ANKRD16: variants seen among roughly 807,000 people sequenced by gnomAD.
The protein encoded by ANKRD16 is ankyrin repeat domain-containing protein 16.
ANKRD16 carries 35 observed loss-of-function variants against 37.9 expected under a neutral mutation model. The ratio of observed to expected loss-of-function variants is 0.92; its 90% CI spans 0.71 to 1.23. The LOEUF (loss-of-function observed/expected upper bound fraction) is 1.23, where lower values mean the gene tolerates loss of function less well. ANKRD16 is among the 50% of genes most tolerant of loss of function. ANKRD16 has a pLI of 0.00. For synonymous variants in ANKRD16, 206 were observed against 197.2 expected, an observed-to-expected ratio of 1.04 and a Z score of -0.37; for missense variants, 480 against 469.9, an observed-to-expected ratio of 1.02 and a Z score of -0.20.
chr10:5,867,890 C>T (rs921252538), intron 7 of ANKRD16, among the ~76,000 whole-genome samples: 2 of 152,202 alleles, frequency 1.3e-5, no homozygotes, highest in African/African-American at 4.8e-5. Context: ...CCAAAACTGC[C>T]GAGGCTTGGA....
At chr10:5,877,037 A>T (rs898947233) in intron 7 of ANKRD16, among the ~76,000 whole-genome samples, 5 of 152,206 alleles carry the variant, frequency 3.3e-5, no homozygotes, top group African/African-American at 1.2e-4. Flanking sequence ...GGCCAGAAAA[A>T]TGGGTTTTAA....
In ANKRD16 at chr10:5,889,442, T is replaced by A. The variant is rs1282816427; in HGVS notation, c.-88A>T. The A allele has an allele frequency of 2.0e-6, 2 of 983,012 alleles. No homozygotes were observed. Among genetic ancestry groups the A allele is most frequent in the Admixed American group, 9.8e-5 (2 of 20,486 alleles). The allele number at this position is 983,012 out of a possible 1,614,324, so 60.9% of individuals were successfully genotyped here. The stretch of plus-strand genomic sequence containing the variant: ...GAGAAGCCGAGGGCGAGTGGGACTT[T>A]CCGCCTCTTCACGCAACCTGCCCCG... On this transcript the variant is annotated 5_prime_UTR_variant, in exon 1 of 8. Coordinates refer to ENST00000380094, the MANE Select transcript of ANKRD16 (RefSeq NM_019046.3).
Position 5,862,445 on chromosome 10 carries a change from C to A in ANKRD16, c.*280G>T. ...TTTCACTATCATCCTCAGACTCTTC[C>A]AGTCAATGGTTGGTGATGTCATCAG... is the stretch of plus-strand genomic sequence containing the variant. On this transcript the variant is annotated 3_prime_UTR_variant, in exon 8 of 8. Transcript: ENST00000380094. This position sits in a 1 kb window ranked among gnomAD's most constrained non-coding sequence, Gnocchi z 6.5. 2.3e-6 allele frequency: 1 copy of A among 440,856 alleles called. No homozygotes were observed. Among genetic ancestry groups the A allele is most frequent in the Non-Finnish European group, 4.3e-6 (1 of 235,290 alleles). 27.3% of individuals were successfully genotyped at this position (440,856 alleles called of 1,614,324 possible). A position where few individuals can be genotyped will look rare whatever the true frequency, so the allele number is the denominator to read the frequency against.
In ANKRD16 at chr10:5,868,003, A is replaced by C. The variant is rs1170602933; in HGVS notation, c.*34-5312T>G. Among the ~76,000 whole-genome samples, 2 of 152,202 alleles carry C rather than the reference A, an allele frequency of 1.3e-5. No homozygotes were observed. Among genetic ancestry groups the C allele is most frequent in the African/African-American group, 2.4e-5 (1 of 41,454 alleles). On this transcript the variant is annotated intron_variant, in intron 7 of 7. Coordinates refer to ENST00000380094, the MANE Select transcript of ANKRD16 (RefSeq NM_019046.3). The surrounding 1 kb of genome is among the most constrained non-coding windows in gnomAD (Gnocchi z 4.9). ...TAGTACGAGATGCCGCCTGGCGTTT[A>C]CAGGAAAAGGCTTCTGAAATCAGAC... is the stretch of plus-strand genomic sequence containing the variant.
Position 5,878,127 on chromosome 10 carries a change from T to A in ANKRD16, c.*3A>T, listed in dbSNP as rs774351846. ...ACTTTATTGCCTCCTCTTGGAAACA[T>A]CCTTATGTCATTGCGCTATGGCCAG... On this transcript the variant is annotated 3_prime_UTR_variant, in exon 7 of 8. Transcript: ENST00000380094. This position sits in a 1 kb window ranked among gnomAD's most constrained non-coding sequence, Gnocchi z 5.1. 1 of 1,613,448 alleles carries A rather than the reference T, an allele frequency of 6.2e-7. No individual in the cohort carries two copies.
rs1015785267 is a variant in ANKRD16, at chr10:5,868,330, C to A, written c.*34-5639G>T. Reference sequence around the variant, plus strand: ...CAACTGCAGGGACCCTTCTTTGCCCCTATCCAGCAGGAAGTAGCTAGAATG... The same window carrying A: ...CAACTGCAGGGACCCTTCTTTGCCCATATCCAGCAGGAAGTAGCTAGAATG... On this transcript the variant is annotated intron_variant, in intron 7 of 7. Coordinates refer to ENST00000380094, the MANE Select transcript of ANKRD16 (RefSeq NM_019046.3). The surrounding 1 kb of genome is among the most constrained non-coding windows in gnomAD (Gnocchi z 4.9). Among the ~76,000 whole-genome samples, 1 of 152,154 alleles carries A rather than the reference C, an allele frequency of 6.6e-6. No individual in the cohort carries two copies. The highest frequency in any genetic ancestry group is 1.5e-5 in the Non-Finnish European group (1 of 68,020).
In ANKRD16 at chr10:5,862,365, G is replaced by GGGCAGA; in HGVS notation, c.*354_*359dup. 1 of 446,240 alleles carries GGGCAGA rather than the reference G, an allele frequency of 2.2e-6. No homozygotes were observed. The highest frequency in any genetic ancestry group is 6.3e-5 in the East Asian group (1 of 15,778). 27.6% of individuals were successfully genotyped at this position (446,240 alleles called of 1,614,324 possible). A position where few individuals can be genotyped will look rare whatever the true frequency, so the allele number is the denominator to read the frequency against. On this transcript the variant is annotated 3_prime_UTR_variant, in exon 8 of 8. Transcript: ENST00000380094. This position sits in a 1 kb window ranked among gnomAD's most constrained non-coding sequence, Gnocchi z 6.5. ...TGGTTCCTGAGGGTTGTGACGATCA[G>GGGCAGA]GGCAGAGGCAGAAGGCACCACCTCA...
At position 5,878,643 on chromosome 10, in the gene ANKRD16, A is replaced by T. The variant is rs561250819; in HGVS notation, c.929-356T>A. Among the ~76,000 whole-genome samples the T allele has an allele frequency of 1.5e-3, 222 of 151,732 alleles. 2 individuals are homozygous for T. The highest frequency in any genetic ancestry group is 5.1e-3 in the African/African-American group (212 of 41,334). ...TGAAACCCCATCTCTAATAAAAATT[A>T]AAAAATTAGCCGGGCGTGGTGGTGC... On this transcript the variant is annotated intron_variant, in intron 6 of 7. Coordinates refer to ENST00000380094, the MANE Select transcript of ANKRD16 (RefSeq NM_019046.3). This position sits in a 1 kb window ranked among gnomAD's most constrained non-coding sequence, Gnocchi z 5.1.
intron 1 of ANKRD16, 86 bp from the exon 2 acceptor site, chr10:5,888,153 T>C (rs1842478009): frequency 8.1e-7 from 1 of 1,231,166 alleles, no homozygotes; most frequent in African/African-American, 1.5e-5. Flanking sequence ...CACACATCCT[T>C]GGCACAGATG....
In ANKRD16 at chr10:5,874,155, C is replaced by T. The variant is rs1219057306; in HGVS notation, c.*33+3942G>A. On this transcript the variant is annotated intron_variant, in intron 7 of 7. Coordinates refer to ENST00000380094, the MANE Select transcript of ANKRD16 (RefSeq NM_019046.3). The surrounding 1 kb of genome is among the most constrained non-coding windows in gnomAD (Gnocchi z 4.7). ...CTGCCTGCCTCAGCCTCCCATAATACTGGGACTACAGGTGTAAGCCATCGT... is the reference window on the plus strand; with the variant it reads ...CTGCCTGCCTCAGCCTCCCATAATATTGGGACTACAGGTGTAAGCCATCGT... 6.6e-6 allele frequency among the ~76,000 whole-genome samples: 1 copy of T among 152,250 alleles called. No individual in the cohort carries two copies. The highest frequency in any genetic ancestry group is 1.5e-5 in the Non-Finnish European group (1 of 68,052).
chr10:5,881,438 T>TTATAAATTA (rs1422263395), intron 5 of ANKRD16, among the ~76,000 whole-genome samples: 1 of 51,026 alleles, frequency 2.0e-5, no homozygotes, highest in South Asian at 6.2e-4. Flanking sequence ...AAAATATTAT[T>TTATAAATTA]TATATATATA....
Position 5,864,344 on chromosome 10 carries a change from C to A in ANKRD16, c.*34-1653G>T, listed in dbSNP as rs7098938. On this transcript the variant is annotated intron_variant, in intron 7 of 7. Coordinates refer to ENST00000380094, the MANE Select transcript of ANKRD16 (RefSeq NM_019046.3). This position sits in a 1 kb window ranked among gnomAD's most constrained non-coding sequence, Gnocchi z 4.4. ...CTCCAAGGGACCACAACCTCCCCCC[C>A]ACCCCTGCTATCGGTTATGTCCTTT... 0.05 allele frequency among the ~76,000 whole-genome samples: 7,608 copies of A among 152,190 alleles called. 224 individuals are homozygous for A. The highest frequency in any genetic ancestry group is 0.068 in the Middle Eastern group (20 of 294).
At chr10:5,880,772 CA>C (rs983962731) in intron 5 of ANKRD16, among the ~76,000 whole-genome samples, 23 of 152,138 alleles carry the variant, frequency 1.5e-4, no homozygotes, top group Non-Finnish European at 2.9e-5. Flanking sequence ...TGCTTAGGAA[CA>C]AAAGGAAAGG....
At chr10:5,882,049 G>A (rs1204316038) in intron 5 of ANKRD16, among the ~76,000 whole-genome samples, 2 of 151,862 alleles carry the variant, frequency 1.3e-5, no homozygotes, top group Non-Finnish European at 1.5e-5. Flanking sequence ...GGGATTACAG[G>A]AGTGAGCCAC....
chr10:5,882,740 A>G (rs1842337324), intron 5 of ANKRD16: 1 of 287,466 alleles, frequency 3.5e-6, no homozygotes, highest in Non-Finnish European at 6.6e-6. Flanking sequence ...AAATAACGTT[A>G]TTCCTGAAAA....
At chr10:5,880,515 T>C in intron 5 of ANKRD16, 139 bp from the exon 6 acceptor site, 1 of 429,572 alleles carries the variant, frequency 2.3e-6, no homozygotes, top group Non-Finnish European at 4.1e-6. Context: ...GAGACAGGTC[T>C]GTGTCTCTCT....
In ANKRD16 at chr10:5,881,681, T is replaced by C. The variant is rs182357147; in HGVS notation, c.850-1305A>G. Among the ~76,000 whole-genome samples, 3 of 103,928 alleles carry C rather than the reference T, an allele frequency of 2.9e-5. No individual in the cohort carries two copies. In the East Asian group the frequency reaches 9.2e-4, roughly 32 times the overall value. 68.2% of individuals were successfully genotyped at this position (103,928 alleles called of 152,430 possible). A position where few individuals can be genotyped will look rare whatever the true frequency, so the allele number is the denominator to read the frequency against. On this transcript the variant is annotated intron_variant, in intron 5 of 7. Transcript: ENST00000380094. ...CAGGGTTTCACCATGTTGGCCAGGATGGTCTTGATTTTTTTTTTTTTTTTT... is the reference window on the plus strand; with the variant it reads ...CAGGGTTTCACCATGTTGGCCAGGACGGTCTTGATTTTTTTTTTTTTTTTT...
chr10:5,865,299 G>C lies in ANKRD16; in HGVS notation c.*34-2608C>G, dbSNP rs1252677716. 6.6e-6 allele frequency among the ~76,000 whole-genome samples: 1 copy of C among 152,180 alleles called. No individual in the cohort carries two copies. The highest frequency in any genetic ancestry group is 1.5e-5 in the Non-Finnish European group (1 of 68,036). ...ACTATGCCGAGGCAATCACTGGAAG[G>C]TGCACTGCCCCAGAGGACAAAGGTT... On this transcript the variant is annotated intron_variant, in intron 7 of 7. Coordinates refer to ENST00000380094, the MANE Select transcript of ANKRD16 (RefSeq NM_019046.3). This position sits in a 1 kb window ranked among gnomAD's most constrained non-coding sequence, Gnocchi z 4.7.
Position 5,866,231 on chromosome 10 carries a change from A to T in ANKRD16, c.*34-3540T>A, listed in dbSNP as rs1438531880. On this transcript the variant is annotated intron_variant, in intron 7 of 7. Coordinates refer to ENST00000380094, the MANE Select transcript of ANKRD16 (RefSeq NM_019046.3). This position sits in a 1 kb window ranked among gnomAD's most constrained non-coding sequence, Gnocchi z 4.3. ...CCCTCAACCCTGCCACTTTTCTCCC[A>T]GAGGATGGGGAACCGATCGAGCATG... is the stretch of plus-strand genomic sequence containing the variant. Among the ~76,000 whole-genome samples, 1 of 152,190 alleles carries T rather than the reference A, an allele frequency of 6.6e-6. No homozygotes were observed. Among genetic ancestry groups the T allele is most frequent in the Non-Finnish European group, 1.5e-5 (1 of 68,030 alleles).
Sources: allele counts gnomAD v4.1 joint callset (sites outside exome capture counted in the v4.1 genomes callset), GRCh38; gene constraint gnomAD v4.1.1; non-coding constraint Gnocchi (gnomAD v3.1); transcripts MANE v1.5; gene names NCBI Gene and HGNC (gene_info 2026-07-23, HGNC 2026-07-21).